CLCNKA: variants seen among roughly 807,000 people sequenced by gnomAD.
The protein encoded by CLCNKA is chloride voltage-gated channel Ka.
CLCNKA carries 66 observed loss-of-function variants against 83.3 expected under a neutral mutation model. That is an observed-to-expected ratio of 0.79 (90% CI 0.65 to 0.97). CLCNKA has a LOEUF of 0.97. Ranked by LOEUF, CLCNKA falls within the 50% of genes least tolerant of loss-of-function variation. The pLI is 0.00. For missense variants in CLCNKA, 806 were observed against 888.7 expected, an observed-to-expected ratio of 0.91 and a Z score of 1.18; for synonymous variants, 357 against 370.4, an observed-to-expected ratio of 0.96 and a Z score of 0.42.
intron 13 of CLCNKA, 36 bp from the exon 14 acceptor site, chr1:16,029,929 C>T: frequency 1.3e-6 from 2 of 1,596,138 alleles, no homozygotes; most frequent in Non-Finnish European, 1.7e-6. Context: ...GGGGCCGGGT[C>T]AGCCTGGCTC....
In CLCNKA at chr1:16,023,921, G is replaced by A. The variant is rs2022239840; in HGVS notation, c.222G>A (p.Val74=). 1 of 1,614,096 alleles carries A rather than the reference G, an allele frequency of 6.2e-7. No individual in the cohort carries two copies. Residue 74 remains valine (V), a synonymous_variant, in exon 3 of 20, where the codon GTG becomes GTA. Coordinates refer to ENST00000331433, the MANE Select transcript of CLCNKA (RefSeq NM_004070.4). Reference sequence around the variant, plus strand: ...CCATGAACTTTGCCATCGGGTGTGTGGTCCGAGGTAACTCTTCCCTGGCAG... The same window carrying A: ...CCATGAACTTTGCCATCGGGTGTGTAGTCCGAGGTAACTCTTCCCTGGCAG... The part of the protein sequence containing the change: ...SYAMNFAIGC[V]VRAHQWLYRE...
At chr1:16,028,413 C>T (rs1179848284) in intron 10 of CLCNKA, among the ~76,000 whole-genome samples, 4 of 152,128 alleles carry the variant, frequency 2.6e-5, no homozygotes, top group Non-Finnish European at 4.4e-5. Context: ...TGGCCCCTGG[C>T]GTTGGCCTTG....
intron 1 of CLCNKA, 122 bp from the exon 2 acceptor site, chr1:16,022,489 AAC>A (rs142964147): frequency 9.3e-3 from 5,725 of 616,612 alleles, no homozygotes; most frequent in South Asian, 0.015. Flanking sequence ...CTAGTGTGAT[AAC>A]ACACACACAC....
At chr1:16,023,766 C>T in intron 2 of CLCNKA, 34 bp from the exon 3 acceptor site, 1 of 1,613,192 alleles carries the variant, frequency 6.2e-7, no homozygotes, top group Non-Finnish European at 8.5e-7. Context: ...CCCCTTGCCC[C>T]AACATAAGCT....
chr1:16,028,730 G>A lies in CLCNKA; in HGVS notation c.969-31G>A, dbSNP rs774667246. The A allele has an allele frequency of 6.8e-6, 11 of 1,613,032 alleles. No homozygotes were observed. The East Asian group carries it at 1.8e-4, about 26-fold the overall frequency. ...CTCCTCGGGATGTAGGAAAGGGAGG[G>A]CCAGCCCTAGAGCTCACCCACCCCC... is the stretch of plus-strand genomic sequence containing the variant. On this transcript the variant is annotated intron_variant, in intron 10 of 19. Transcript: ENST00000331433.
intron 11 of CLCNKA, 32 bp downstream of exon 11, chr1:16,028,877 G>A: frequency 6.2e-7 from 1 of 1,606,384 alleles, no homozygotes; most frequent in Non-Finnish European, 8.5e-7. Flanking sequence ...TGGCAGGAGT[G>A]GGAACCCCCA....
chr1:16,026,823 C>T (rs1178069132), intron 7 of CLCNKA, 48 bp downstream of exon 7: 1 of 1,606,030 alleles, frequency 6.2e-7, no homozygotes, highest in East Asian at 2.2e-5. Context: ...AAGCTCCTCC[C>T]CTCACACCCT....
At chr1:16,025,801 G>A (rs2022323378) in intron 4 of CLCNKA, among the ~76,000 whole-genome samples, 1 of 152,116 alleles carries the variant, frequency 6.6e-6, no homozygotes, top group South Asian at 2.1e-4. Flanking sequence ...GTTGCCCAAG[G>A]TGGAGTGCAA....
rs1235613653 is a variant in CLCNKA at position 16,033,267 on chromosome 1, C to T, written c.2016+11C>T. The T allele has an allele frequency of 6.2e-7, 1 of 1,613,852 alleles. No individual in the cohort carries two copies. ...GTGTCCTGGGTGGAGGTACCAGGGTCCCGGGGGCAGAGCAAAGCAGGGGAC... is the reference window on the plus strand; with the variant it reads ...GTGTCCTGGGTGGAGGTACCAGGGTTCCGGGGGCAGAGCAAAGCAGGGGAC... On this transcript the variant is annotated intron_variant, in intron 19 of 19. Transcript: ENST00000331433.
At chr1:16,024,061 AT>A in intron 3 of CLCNKA, 133 bp downstream of exon 3, 2 of 1,101,838 alleles carry the variant, frequency 1.8e-6, no homozygotes, top group Non-Finnish European at 2.7e-6. Context: ...TCTACTCCTG[AT>A]TTGCTCTGTG....
rs545589692 is a variant in CLCNKA, at chr1:16,028,856, C to T, written c.1053+11C>T. The T allele has an allele frequency of 1.2e-5, 20 of 1,613,858 alleles. No homozygotes were observed. The South Asian group carries it at 1.9e-4, about 15-fold the overall frequency. On this transcript the variant is annotated intron_variant, in intron 11 of 19. Coordinates refer to ENST00000331433, the MANE Select transcript of CLCNKA (RefSeq NM_004070.4). The stretch of plus-strand genomic sequence containing the variant: ...TTCCTAGCTTCTCGGGTAAGGGGTC[C>T]TGAGCGGGGGTGGCAGGAGTGGGAA...
chr1:16,030,495 C>T lies in CLCNKA; in HGVS notation c.1443C>T (p.Thr481=). Residue 481 remains threonine, a synonymous_variant, in exon 15 of 20, where the codon ACC becomes ACT. Coordinates refer to ENST00000331433, the MANE Select transcript of CLCNKA (RefSeq NM_004070.4). The part of the protein sequence containing the change: ...AAAFSGAVTH[T]ISTALLAFEL... Reference sequence around the variant, plus strand: ...CCTTCTCAGGGGCTGTGACCCACACCATCTCCACGGCGCTGCTGGCCTTTG... The same window carrying T: ...CCTTCTCAGGGGCTGTGACCCACACTATCTCCACGGCGCTGCTGGCCTTTG... The T allele has an allele frequency of 6.2e-7, 1 of 1,612,972 alleles. No homozygotes were observed. Among genetic ancestry groups the T allele is most frequent in the Non-Finnish European group, 8.5e-7 (1 of 1,180,002 alleles).
chr1:16,029,448 T>C, intron 12 of CLCNKA, 149 bp downstream of exon 12: 2 of 1,286,326 alleles, frequency 1.6e-6, no homozygotes, highest in Non-Finnish European at 2.2e-6. Context: ...TGGTCCTGGA[T>C]AAGTGGCTTC....
rs141934155 is a variant in CLCNKA at position 16,030,579 on chromosome 1, C to T, written c.1527C>T (p.Asn509=). 2.1e-4 allele frequency: 333 copies of T among 1,613,068 alleles called. No individual in the cohort carries two copies. Among genetic ancestry groups the T allele is most frequent in the African/African-American group, 2.1e-3 (154 of 75,070 alleles). Residue 509 remains asparagine, a synonymous_variant, in exon 15 of 20, where the codon AAC becomes AAT. Transcript: ENST00000331433. ...LPVLMAVLAA[N]AIAQSCQPSF... ...TGCTGATGGCGGTGCTGGCAGCCAA[C>T]GCCATTGCACAGAGCTGCCAGCCCT...
Position 16,023,767 on chromosome 1 carries a change from A to G in CLCNKA, c.101-33A>G, listed in dbSNP as rs1537803. On this transcript the variant is annotated intron_variant, in intron 2 of 19. Transcript: ENST00000331433. ...AGGGGCTGTCTGTGCCCCTTGCCCC[A>G]ACATAAGCTGGGACTCCGATACCCT... 147,497 of 1,612,362 alleles carry G rather than the reference A, an allele frequency of 0.091. 7,448 individuals are homozygous for G. The highest frequency in any genetic ancestry group is 0.1 in the Non-Finnish European group (118,940 of 1,178,782).
At chr1:16,031,660 G>A (rs1242360683) in intron 15 of CLCNKA, 50 bp from the exon 16 acceptor site, 1 of 1,613,060 alleles carries the variant, frequency 6.2e-7, no homozygotes, top group Non-Finnish European at 8.5e-7. Flanking sequence ...TGCTGGCCTG[G>A]GTCTGACATC....
intron 3 of CLCNKA, 74 bp downstream of exon 3, chr1:16,024,002 C>T: frequency 6.3e-7 from 1 of 1,581,870 alleles, no homozygotes; most frequent in South Asian, 1.1e-5. Context: ...AGATGGGCCA[C>T]CAAGTGCAGC....
At chr1:16,028,147 A>G (rs2022452059) in intron 10 of CLCNKA, 28 bp downstream of exon 10, 2 of 1,599,688 alleles carry the variant, frequency 1.3e-6, no homozygotes, top group African/African-American at 2.7e-5. Flanking sequence ...GGCTGGGGAC[A>G]TCTCAGTGAG....
intron 11 of CLCNKA, 49 bp downstream of exon 11, chr1:16,028,894 T>G: frequency 6.3e-7 from 1 of 1,599,176 alleles, no homozygotes. Context: ...CCCATTTGTT[T>G]TCCCCTTTGC....
Sources: gnomAD v4.1 joint callset for allele counts (sites outside exome capture counted in the v4.1 genomes callset) on GRCh38, gnomAD v4.1.1 for gene constraint, MANE v1.5 for transcripts, NCBI Gene and HGNC (gene_info 2026-07-23, HGNC 2026-07-21) for gene names.